The following HNRNPH1 variants were observed in gnomAD, a reference collection of about 807,000 sequenced individuals.
The protein encoded by HNRNPH1 is heterogeneous nuclear ribonucleoprotein H.
In HNRNPH1, 4 loss-of-function variants were observed where a neutral mutation model predicts 58.6. The ratio of observed to expected loss-of-function variants is 0.07; its 90% confidence interval spans 0.03 to 0.16. The LOEUF is 0.16. HNRNPH1 is among the 10% of genes least tolerant of loss of function. HNRNPH1 has a pLI of 1.00. For missense variants in HNRNPH1, 271 were observed against 564.2 expected, an observed-to-expected ratio of 0.48 and a Z score of 5.26; for synonymous variants, 192 against 189.2, an observed-to-expected ratio of 1.01 and a Z score of -0.12.
At chr5:179,624,606 C>T (rs965864986) in exon 1 of HNRNPH1, 5 of 398,592 alleles carry the variant, frequency 1.3e-5, no homozygotes, top group Non-Finnish European at 2.2e-5. Flanking sequence ...TCGAGGAGGC[C>T]CCCGGGTCAC....
chr5:179,631,833 G>T (rs972980557), intron 2 of HNRNPH1, among the ~76,000 whole-genome samples: 1 of 152,074 alleles, frequency 6.6e-6, no homozygotes, highest in Non-Finnish European at 1.5e-5. Context: ...TGGGAGGATC[G>T]CTTGAGCCCA....
intron 2 of HNRNPH1, among the ~76,000 whole-genome samples, chr5:179,632,859 T>C (rs1425808540): frequency 1.5e-5 from 2 of 136,316 alleles, no homozygotes; most frequent in African/African-American, 5.5e-5. Flanking sequence ...GAATTTTTTT[T>C]TTTTTTTTTT....
chr5:179,621,713 G>T, intron 1 of HNRNPH1: 3 of 405,760 alleles, frequency 7.4e-6, no homozygotes, highest in Non-Finnish European at 1.4e-5. Flanking sequence ...ATCAAGCCTG[G>T]ACTGTGTGAC....
At chr5:179,616,133 A>G (rs930820181) in exon 11 of HNRNPH1, 1 of 1,612,730 alleles carries the variant, frequency 6.2e-7, no homozygotes, top group Admixed American at 1.7e-5. Flanking sequence ...TACCGTATCC[A>G]CTCATGCTGC....
intron 7 of HNRNPH1, 36 bp downstream of exon 8, chr5:179,617,763 C>A (rs753575343): frequency 2.5e-6 from 4 of 1,611,714 alleles, no homozygotes; most frequent in Non-Finnish European, 3.4e-6. Context: ...TACTGCCATA[C>A]TGAAATATTG....
At chr5:179,631,293 G>A (rs1307755870) in intron 2 of HNRNPH1, among the ~76,000 whole-genome samples, 2 of 152,008 alleles carry the variant, frequency 1.3e-5, no homozygotes, top group Non-Finnish European at 2.9e-5. Flanking sequence ...CTTTAAGATG[G>A]CGATCATGAA....
At chr5:179,619,065 A>T (rs190519427) in intron 4 of HNRNPH1, 64 of 444,854 alleles carry the variant, frequency 1.4e-4, no homozygotes, top group Non-Finnish European at 2.3e-4. Context: ...AAAATTGTCA[A>T]GCAGACCAAT....
At chr5:179,619,209 T>A in intron 4 of HNRNPH1, 60 bp downstream of exon 5, 1 of 1,391,274 alleles carries the variant, frequency 7.2e-7, no homozygotes, top group South Asian at 1.3e-5. Context: ...GCAGAGAGAA[T>A]ATGGATTTAA....
intron 10 of HNRNPH1, 129 bp from the exon 12 acceptor site, chr5:179,616,347 T>C (rs909626015): frequency 7.5e-5 from 57 of 760,416 alleles, no homozygotes; most frequent in East Asian, 3.9e-4. Context: ...TCTGCCTCCT[T>C]CTGCCTACTG....
chr5:179,615,330 G>A (rs574485912), intron 12 of HNRNPH1: 5 of 473,986 alleles, frequency 1.1e-5, no homozygotes, highest in African/African-American at 3.9e-5. Flanking sequence ...TCCCTCGAAT[G>A]GCATTTGAGA....
chr5:179,623,270 G>T, exon 1 of HNRNPH1: 1 of 530,028 alleles, frequency 1.9e-6, no homozygotes, highest in Non-Finnish European at 3.5e-6. Flanking sequence ...AAACCGGGCG[G>T]ATGCACCCAC....
rs759641757 is a variant in HNRNPH1 at position 179,617,898 on chromosome 5, G to A, written c.822C>T (p.His274=). 93 of 1,613,834 alleles carry A rather than the reference G, an allele frequency of 5.8e-5. 1 individual carries two copies. The South Asian group carries it at 1.0e-3, about 18-fold the overall frequency. ...AAGTAGAGCCACCATCCCCGTATCT[G>A]TGATCAGACATTCCTGAAAAACAGT... is the stretch of plus-strand genomic sequence containing the variant. Residue 274 remains histidine (H), a synonymous_variant, in exon 7 of 13, where the codon CAC becomes CAT. Transcript: ENST00000356731.
rs1771988077 is a variant in HNRNPH1, at chr5:179,620,820, T to G, written c.397+72A>C. 2.1e-6 allele frequency: 3 copies of G among 1,401,518 alleles called. No homozygotes were observed. The African/African-American group carries it at 4.3e-5, about 20-fold the overall frequency. 86.8% of individuals were successfully genotyped at this position (1,401,518 alleles called of 1,614,324 possible). A position where few individuals can be genotyped will look rare whatever the true frequency, so the allele number is the denominator to read the frequency against. ...ACTGAAATACCTAAGCTACTCAACTTTAACGTCTATTAAATCACCTTGCCA... is the reference window on the plus strand; with the variant it reads ...ACTGAAATACCTAAGCTACTCAACTGTAACGTCTATTAAATCACCTTGCCA... On this transcript the variant is annotated intron_variant, in intron 3 of 12. Transcript: ENST00000356731.
chr5:179,620,510 AAC>A (rs1388643030), intron 3 of HNRNPH1, among the ~76,000 whole-genome samples: 1 of 152,070 alleles, frequency 6.6e-6, no homozygotes, highest in African/African-American at 2.4e-5. Flanking sequence ...TGTCTCTTGC[AAC>A]ACAGACACTT....
exon 1 of HNRNPH1, chr5:179,624,273 G>A (rs17052462): frequency 0.19 from 71,978 of 380,282 alleles, 10,548 homozygotes; most frequent in East Asian, 0.65. Context: ...CCCGTATGGT[G>A]CCTGGGGCAC....
At chr5:179,620,694 G>GTTAACA in intron 3 of HNRNPH1, 198 bp downstream of exon 4, 1 of 571,306 alleles carries the variant, frequency 1.8e-6, no homozygotes, top group Non-Finnish European at 3.1e-6. Flanking sequence ...TATAGGCAAA[G>GTTAACA]TTAACATTTT....
At chr5:179,614,887 C>T in exon 13 of HNRNPH1, 1 of 1,549,856 alleles carries the variant, frequency 6.5e-7, no homozygotes, top group East Asian at 2.4e-5. Context: ...AGACAACCCT[C>T]CCATTCCGTT....
At chr5:179,632,898 G>A (rs1235677566) in intron 2 of HNRNPH1, among the ~76,000 whole-genome samples, 1 of 117,972 alleles carries the variant, frequency 8.5e-6, no homozygotes, top group East Asian at 2.6e-4. Flanking sequence ...CTGCTCTGTC[G>A]CCAGGCTGGA....
At chr5:179,622,414 GAA>G (rs919517759) in intron 1 of HNRNPH1, among the ~76,000 whole-genome samples, 6 of 152,100 alleles carry the variant, frequency 3.9e-5, no homozygotes, top group African/African-American at 9.7e-5. Flanking sequence ...TTATCCTTTC[GAA>G]AAAAGACACC....
Sources: gnomAD v4.1 joint callset for allele counts (sites outside exome capture counted in the v4.1 genomes callset) on GRCh38, gnomAD v4.1.1 for gene constraint, MANE v1.5 for transcripts, NCBI Gene and HGNC (gene_info 2026-07-23, HGNC 2026-07-21) for gene names.